PACC1: variants seen among roughly 807,000 people sequenced by gnomAD.
PACC1 encodes the protein proton-activated chloride channel.
In PACC1, 34 loss-of-function variants were observed where a neutral mutation model predicts 39.7. That is an observed-to-expected ratio of 0.86 (90% CI 0.65 to 1.14). PACC1 has a LOEUF of 1.14. PACC1 is among the 50% of genes most tolerant of loss of function. The probability of loss-of-function intolerance (pLI) is 0.00; values close to 1 mark genes in which losing one functional copy is unlikely to be tolerated. For synonymous variants in PACC1, 127 were observed against 160.6 expected (o/e 0.79, Z 1.58); for missense variants, 379 against 436.4 (o/e 0.87, Z 1.17).
intron 7 of PACC1, 49 bp from the exon 8 acceptor site, chr1:212,365,425 GA>G: frequency 1.4e-5 from 14 of 1,023,526 alleles, no homozygotes; most frequent in Non-Finnish European, 1.9e-5. Flanking sequence ...CTTCAGTCTT[GA>G]TTCTTTTTTT....
intron 2 of PACC1, among the ~76,000 whole-genome samples, chr1:212,407,825 A>G (rs1661974038): frequency 6.6e-6 from 1 of 152,186 alleles, no homozygotes; most frequent in Non-Finnish European, 1.5e-5. Context: ...CTGTAATCCC[A>G]GCACTTTGGG....
Position 212,414,788 on chromosome 1 carries a change from A to G in PACC1, c.-31T>C, listed in dbSNP as rs769102190. The stretch of plus-strand genomic sequence containing the variant: ...TGACCAGAGCTTCGGCACACCTGAG[A>G]CCGCCCCAGCCCGCGGCGCACGGAC... On this transcript the variant is annotated 5_prime_UTR_variant, in exon 1 of 8. Coordinates refer to ENST00000261455, the MANE Select transcript of PACC1 (RefSeq NM_018252.3). The G allele has an allele frequency of 6.2e-7, 1 of 1,610,138 alleles. No individual in the cohort carries two copies. The highest frequency in any genetic ancestry group is 1.1e-5 in the South Asian group (1 of 90,994).
intron 2 of PACC1, among the ~76,000 whole-genome samples, chr1:212,401,666 C>T (rs1161188989): frequency 1.4e-5 from 2 of 145,638 alleles, no homozygotes; most frequent in Non-Finnish European, 3.0e-5. Flanking sequence ...TTACAGCATG[C>T]ATCAGTTCCT....
rs188203260 is a variant in PACC1, at chr1:212,408,336, C to T, written c.133+2089G>A. Among the ~76,000 whole-genome samples, 355 of 151,950 alleles carry T rather than the reference C, an allele frequency of 2.3e-3. 3 individuals carry two copies. Among genetic ancestry groups the T allele is most frequent in the African/African-American group, 8.1e-3 (337 of 41,466 alleles). ...GTTAGCTGCCCTTCCAGCCTCCTTC[C>T]TTCCAGGCAGTCTTTTTTTACTTTA... is the stretch of plus-strand genomic sequence containing the variant. On this transcript the variant is annotated intron_variant, in intron 2 of 7. Coordinates refer to ENST00000261455, the MANE Select transcript of PACC1 (RefSeq NM_018252.3).
chr1:212,390,283 C>T (rs574462959), intron 2 of PACC1, among the ~76,000 whole-genome samples: 9 of 151,792 alleles, frequency 5.9e-5, no homozygotes, highest in South Asian at 4.2e-4. Context: ...ATGAGCTGGG[C>T]GTGGTGGTGC....
chr1:212,390,584 TACAGTGGGTGCAGG>T (rs1661278815), intron 2 of PACC1, among the ~76,000 whole-genome samples: 2 of 151,518 alleles, frequency 1.3e-5, no homozygotes, highest in Non-Finnish European at 2.9e-5. Flanking sequence ...GGGCTTGTCA[TACAGTGGGTGCAGG>T]ACAGTGGGTG....
chr1:212,400,656 C>T (rs1661678268), intron 2 of PACC1, among the ~76,000 whole-genome samples: 1 of 151,994 alleles, frequency 6.6e-6, no homozygotes, highest in South Asian at 2.1e-4. Context: ...ATAAAATGTC[C>T]CACGCACTAT....
chr1:212,413,441 T>A (rs1662207589), intron 1 of PACC1, among the ~76,000 whole-genome samples: 1 of 152,012 alleles, frequency 6.6e-6, no homozygotes, highest in African/African-American at 2.4e-5. Context: ...AAGTTCATTA[T>A]GAGAAGGACA....
intron 4 of PACC1, among the ~76,000 whole-genome samples, chr1:212,381,465 A>G (rs2102488343): frequency 6.6e-6 from 1 of 152,238 alleles, no homozygotes; most frequent in African/African-American, 2.4e-5. Flanking sequence ...GGTTTCTATT[A>G]TCCATTTCTT....
chr1:212,380,165 C>T, intron 4 of PACC1, 128 bp from the exon 5 acceptor site: 1 of 942,598 alleles, frequency 1.1e-6, no homozygotes, highest in Non-Finnish European at 1.6e-6. Context: ...GGACCACTAG[C>T]CAACAACAGG....
intron 2 of PACC1, among the ~76,000 whole-genome samples, chr1:212,401,848 T>A (rs1661727671): frequency 5.3e-5 from 8 of 151,866 alleles, no homozygotes; most frequent in Admixed American, 5.2e-4. Flanking sequence ...TAATTTTTCA[T>A]ATTTTTGTTA....
Position 212,365,756 on chromosome 1 carries a change from T to C in PACC1, c.892-380A>G, listed in dbSNP as rs143603020. On this transcript the variant is annotated intron_variant, in intron 7 of 7. Transcript: ENST00000261455. ...TCAGTTTGAGGAGAAAAATACTGAC[T>C]CCTCCCTATAATAAAGTGATTCTGA... Among the ~76,000 whole-genome samples, 176 of 152,258 alleles carry C rather than the reference T, an allele frequency of 1.2e-3. 1 individual carries two copies. The highest frequency in any genetic ancestry group is 1.8e-3 in the Non-Finnish European group (125 of 68,016).
At chr1:212,385,507 A>C in intron 3 of PACC1, 82 bp from the exon 4 acceptor site, 29 of 1,436,240 alleles carry the variant, frequency 2.0e-5, no homozygotes, top group Middle Eastern at 1.8e-4. Context: ...CCTACCAACA[A>C]CCTACGTTCT....
At chr1:212,389,070 T>C (rs1035772145) in intron 2 of PACC1, among the ~76,000 whole-genome samples, 1 of 152,122 alleles carries the variant, frequency 6.6e-6, no homozygotes, top group Non-Finnish European at 1.5e-5. Context: ...CAAAAGCAGG[T>C]AGAAATTGAA....
At chr1:212,395,051 A>C (rs1275772059) in intron 2 of PACC1, among the ~76,000 whole-genome samples, 3 of 152,212 alleles carry the variant, frequency 2.0e-5, no homozygotes, top group Non-Finnish European at 4.4e-5. Flanking sequence ...CCATCAAGCT[A>C]CCAATGACTT....
chr1:212,399,790 C>A (rs896257782), intron 2 of PACC1, among the ~76,000 whole-genome samples: 1 of 152,144 alleles, frequency 6.6e-6, no homozygotes, highest in Non-Finnish European at 1.5e-5. Flanking sequence ...GCAATCCACC[C>A]GCCTCGGCCT....
intron 2 of PACC1, among the ~76,000 whole-genome samples, chr1:212,398,706 T>C (rs1392754001): frequency 2.0e-5 from 3 of 152,242 alleles, no homozygotes; most frequent in African/African-American, 4.8e-5. Flanking sequence ...CTCTACCTAT[T>C]GCTAATAGAC....
chr1:212,366,773 C>T (rs1417488921), intron 7 of PACC1, among the ~76,000 whole-genome samples: 3 of 152,140 alleles, frequency 2.0e-5, no homozygotes, highest in Non-Finnish European at 4.4e-5. Flanking sequence ...GAGCTGCAAG[C>T]CCTTCTCCCC....
intron 2 of PACC1, among the ~76,000 whole-genome samples, chr1:212,393,899 T>A (rs1275927000): frequency 6.6e-6 from 1 of 151,962 alleles, no homozygotes; most frequent in Non-Finnish European, 1.5e-5. Flanking sequence ...AGAAGTTGAA[T>A]CTCTGAATAG....
Sources: gnomAD v4.1 joint callset for allele counts (sites outside exome capture counted in the v4.1 genomes callset) on GRCh38, gnomAD v4.1.1 for gene constraint, MANE v1.5 for transcripts, NCBI Gene and HGNC (gene_info 2026-07-23, HGNC 2026-07-21) for gene names.